Variants in FRMPD4 observed in about 807,000 individuals in gnomAD.
FRMPD4 encodes FERM and PDZ domain-containing protein 4.
A neutral mutation model predicts 94.1 loss-of-function variants in FRMPD4; 22 were observed. The ratio of observed to expected loss-of-function variants is 0.23; its 90% CI spans 0.17 to 0.33. FRMPD4 has a LOEUF of 0.33. Ranked by LOEUF, FRMPD4 falls within the 10% of genes least tolerant of loss-of-function variation. FRMPD4 has a pLI of 1.00. For synonymous variants in FRMPD4, 631 were observed against 548.6 expected (o/e 1.15, Z -2.10); for missense variants, 1,111 against 1,339.9 (o/e 0.83, Z 2.67).
chrX:11,837,180 A>C, intron 1 of FRMPD4, among the ~76,000 whole-genome samples: 1 of 108,843 alleles, frequency 9.2e-6, no homozygotes, highest in Non-Finnish European at 1.9e-5. Flanking sequence ...GCCATGTGGG[A>C]CTGAATTTGC....
rs1569234030 is a variant in FRMPD4, at chrX:12,331,700, ATATATAATATATAAT to A, written c.42-166978_42-166964del. 1.9e-3 allele frequency among the ~76,000 whole-genome samples: 123 copies of A among 64,255 alleles called. 8 individuals carry two copies. The highest frequency in any genetic ancestry group is 8.8e-3 in the African/African-American group (95 of 10,809). The allele number at this position is 64,255 out of a possible 115,157, so 55.8% of individuals were successfully genotyped here. A position where few individuals can be genotyped will look rare whatever the true frequency, so the allele number is the denominator to read the frequency against. ...AATTATATATTTATATAATATATAA[ATATATAATATATAAT>A]TTATATATAGTATATAAATATATAA... On this transcript the variant is annotated intron_variant, in intron 1 of 16. Coordinates refer to ENST00000675598, the MANE Select transcript of FRMPD4 (RefSeq NM_001368397.1).
At position 12,138,884 on chromosome X, in the gene FRMPD4, G is replaced by A. The variant is rs2055643868; in HGVS notation, c.-88G>A. ...CGACTCGAGCCCCGGGCGCACTGAG[G>A]TCTTGGCCATGGGGCTGCGGAGGCT... On this transcript the variant is annotated 5_prime_UTR_variant, in exon 1 of 17. Coordinates refer to ENST00000675598, the MANE Select transcript of FRMPD4 (RefSeq NM_001368397.1). 2.5e-6 allele frequency: 2 copies of A among 804,667 alleles called. No individual in the cohort carries two copies. Among genetic ancestry groups the A allele is most frequent in the South Asian group, 6.6e-5 (2 of 30,085 alleles). 66.3% of individuals were successfully genotyped at this position (804,667 alleles called of 1,213,427 possible).
intron 1 of FRMPD4, among the ~76,000 whole-genome samples, chrX:11,852,137 G>A (rs373799695): frequency 1.9e-4 from 21 of 111,051 alleles, no homozygotes; most frequent in Non-Finnish European, 3.2e-4. Flanking sequence ...CAGCCCATTA[G>A]GCTAAAAAAT....
intron 3 of FRMPD4, among the ~76,000 whole-genome samples, chrX:11,908,119 C>G (rs927538772): frequency 8.9e-6 from 1 of 111,945 alleles, no homozygotes; most frequent in African/African-American, 3.2e-5. Context: ...AAACTGTGCT[C>G]AAACAATTTA....
At chrX:12,352,549 T>C (rs990043509) in intron 1 of FRMPD4, among the ~76,000 whole-genome samples, 1 of 112,608 alleles carries the variant, frequency 8.9e-6, no homozygotes, top group Non-Finnish European at 1.9e-5. Context: ...AAACTATTGA[T>C]AGGAATGATT....
intron 4 of FRMPD4, among the ~76,000 whole-genome samples, chrX:12,653,915 G>C (rs1190424707): frequency 9.0e-6 from 1 of 111,661 alleles, no homozygotes; most frequent in Non-Finnish European, 1.9e-5. Flanking sequence ...TTACAGGCAT[G>C]TGCCACCATG....
At chrX:12,108,091 C>T (rs182664984) in intron 3 of FRMPD4, among the ~76,000 whole-genome samples, 1,856 of 110,986 alleles carry the variant, frequency 0.017, 46 homozygotes, top group African/African-American at 0.058. Context: ...AGATACTCCT[C>T]GAGAAGAGCA....
chrX:12,250,064 TTGTGTGTTTG>T (rs2054016338), intron 1 of FRMPD4, among the ~76,000 whole-genome samples: 2 of 54,758 alleles, frequency 3.7e-5, no homozygotes, highest in East Asian at 8.9e-4. Context: ...GTGTGTGTGT[TTGTGTGTTTG>T]TGTGTGTGTG....
intron 2 of FRMPD4, among the ~76,000 whole-genome samples, chrX:12,546,629 A>G (rs907663981): frequency 8.9e-6 from 1 of 112,113 alleles, no homozygotes; most frequent in Non-Finnish European, 1.9e-5. Flanking sequence ...GCAAAATTTC[A>G]GGCCAACCTA....
chrX:11,893,407 A>G (rs920912673), intron 3 of FRMPD4, among the ~76,000 whole-genome samples: 2 of 112,354 alleles, frequency 1.8e-5, no homozygotes, highest in Non-Finnish European at 3.8e-5. Context: ...GGCTTTGAAT[A>G]TAAGTTTTGC....
At chrX:12,006,743 G>T (rs2054556054) in intron 3 of FRMPD4, among the ~76,000 whole-genome samples, 1 of 111,712 alleles carries the variant, frequency 9.0e-6, no homozygotes, top group South Asian at 3.8e-4. Context: ...GAGAGCAGGA[G>T]GTAGATTTTC....
At chrX:12,107,716 T>A (rs1378728965) in intron 3 of FRMPD4, among the ~76,000 whole-genome samples, 1 of 111,774 alleles carries the variant, frequency 8.9e-6, no homozygotes, top group Non-Finnish European at 1.9e-5. Flanking sequence ...CCAGTGTAGA[T>A]AAGTCCTTAA....
rs183278222 is a variant in FRMPD4, at chrX:12,376,639, G to C, written c.42-122041G>C. The stretch of plus-strand genomic sequence containing the variant: ...TGTGTGCACGTGTGTGGGTGCACGT[G>C]CATGTGGACACACACACACACACAC... On this transcript the variant is annotated intron_variant, in intron 1 of 16. Coordinates refer to ENST00000675598, the MANE Select transcript of FRMPD4 (RefSeq NM_001368397.1). 1.5e-3 allele frequency among the ~76,000 whole-genome samples: 167 copies of C among 109,491 alleles called. 1 individual carries two copies. Among genetic ancestry groups the C allele is most frequent in the African/African-American group, 5.8e-3 (163 of 28,344 alleles).
intron 4 of FRMPD4, among the ~76,000 whole-genome samples, chrX:12,645,324 A>G (rs1381329944): frequency 3.0e-5 from 3 of 101,297 alleles, no homozygotes; most frequent in Non-Finnish European, 6.0e-5. Flanking sequence ...ACTATGCATC[A>G]GGTAGTTTTT....
At chrX:12,384,504 C>A (rs1298804377) in intron 1 of FRMPD4, among the ~76,000 whole-genome samples, 1 of 110,610 alleles carries the variant, frequency 9.0e-6, no homozygotes, top group African/African-American at 3.3e-5. Context: ...AGCGACAGAG[C>A]AAGACCTTGT....
chrX:11,914,291 C>CTT (rs57258573), intron 3 of FRMPD4, among the ~76,000 whole-genome samples: 142 of 89,187 alleles, frequency 1.6e-3, no homozygotes, highest in African/African-American at 2.4e-3. Context: ...ACTTTTTTTT[C>CTT]TTTTTTTTTT....
intron 2 of FRMPD4, among the ~76,000 whole-genome samples, chrX:12,509,667 T>G (rs1348168640): frequency 2.7e-5 from 3 of 110,945 alleles, no homozygotes; most frequent in African/African-American, 9.8e-5. Context: ...CGCCAAAATC[T>G]CACAAATCAC....
Position 12,690,299 on chromosome X carries a change from G to A in FRMPD4, c.786G>A (p.Leu262=), listed in dbSNP as rs1266046294. Reference sequence around the variant, plus strand: ...AAGGGGCTGGAACGAAGCTGCTCTTGCTTCATGAACAGGAGACTCTAACTC... The same window carrying A: ...AAGGGGCTGGAACGAAGCTGCTCTTACTTCATGAACAGGAGACTCTAACTC... The part of the protein sequence containing the change: ...RTEGAGTKLL[L]LHEQETLTQV... Residue 262 remains leucine (L), a synonymous_variant, in exon 8 of 17, where the codon TTG becomes TTA. Transcript: ENST00000675598. 8.3e-7 allele frequency: 1 copy of A among 1,210,129 alleles called. No individual in the cohort carries two copies. The highest frequency in any genetic ancestry group is 2.2e-5 in the Admixed American group (1 of 46,039).
chrX:12,657,895 C>T lies in FRMPD4; in HGVS notation c.423-16968C>T, dbSNP rs1028437012. ...TTTTTTCTAACTGGTTTCTGCCAAA[C>T]TGGGCTTACTACAACATCACTAGGT... On this transcript the variant is annotated intron_variant, in intron 4 of 16. Coordinates refer to ENST00000675598, the MANE Select transcript of FRMPD4 (RefSeq NM_001368397.1). Among the ~76,000 whole-genome samples, 3 of 112,274 alleles carry T rather than the reference C, an allele frequency of 2.7e-5. No individual in the cohort carries two copies. The Admixed American group carries it at 2.8e-4, about 11-fold the overall frequency.
Sources: allele counts gnomAD v4.1 joint callset (sites outside exome capture counted in the v4.1 genomes callset), GRCh38; gene constraint gnomAD v4.1.1; transcripts MANE v1.5; gene names NCBI Gene and HGNC (gene_info 2026-07-23, HGNC 2026-07-21).